The following FANCL variants were observed in gnomAD, a reference collection of about 807,000 sequenced individuals.
The protein encoded by FANCL is E3 ubiquitin-protein ligase FANCL.
Under a neutral mutation model 59.4 loss-of-function variants are expected in FANCL, and 69 were observed. The ratio of observed to expected loss-of-function variants is 1.16; its 90% CI spans 0.96 to 1.42. The LOEUF is 1.42. Ranked by LOEUF, FANCL falls within the 40% of genes most tolerant of loss-of-function variation. FANCL has a pLI of 0.00. For missense variants in FANCL, 519 were observed against 447.2 expected (o/e 1.16, Z -1.45); for synonymous variants, 180 against 147.1 (o/e 1.22, Z -1.62).
intron 6 of FANCL, among the ~76,000 whole-genome samples, chr2:58,202,704 C>A (rs62140043): frequency 0.052 from 7,924 of 151,708 alleles, 305 homozygotes; most frequent in African/African-American, 0.098. Flanking sequence ...TAGAAAAAAG[C>A]AGACAAAATG....
At chr2:58,226,547 T>C (rs1251298290) in intron 4 of FANCL, among the ~76,000 whole-genome samples, 181 bp downstream of exon 4, 1 of 152,140 alleles carries the variant, frequency 6.6e-6, no homozygotes, top group Non-Finnish European at 1.5e-5. Flanking sequence ...TTCGAACAGT[T>C]ATGTCCCTCA....
chr2:58,201,715 A>C (rs1690041577), intron 6 of FANCL, among the ~76,000 whole-genome samples: 1 of 151,994 alleles, frequency 6.6e-6, no homozygotes, highest in African/African-American at 2.4e-5. Context: ...AAACCAAAAA[A>C]TTTATCTGGT....
intron 3 of FANCL, among the ~76,000 whole-genome samples, chr2:58,229,489 G>C (rs1433451118): frequency 6.6e-6 from 1 of 152,098 alleles, no homozygotes; most frequent in Non-Finnish European, 1.5e-5. Context: ...ATATCCCACA[G>C]CTCTAAATGG....
At chr2:58,224,768 G>A (rs1452075927) in intron 4 of FANCL, among the ~76,000 whole-genome samples, 2 of 151,858 alleles carry the variant, frequency 1.3e-5, no homozygotes, top group Non-Finnish European at 3.0e-5. Context: ...ATACTACAAT[G>A]ATGTTAACAT....
chr2:58,226,708 G>GAAAA lies in FANCL; in HGVS notation c.273+16_273+19dup. On this transcript the variant is annotated intron_variant, in intron 4 of 13. Transcript: ENST00000233741. ...GACTTGCAGTATGGTAACAGTGTCA[G>GAAAA]AAAAAAAAAAAATTCTTACCAAAAG... 2 of 1,370,406 alleles carry GAAAA rather than the reference G, an allele frequency of 1.5e-6. No homozygotes were observed. The highest frequency in any genetic ancestry group is 2.0e-6 in the Non-Finnish European group (2 of 994,222). The allele number at this position is 1,370,406 out of a possible 1,614,324, so 84.9% of individuals were successfully genotyped here.
chr2:58,216,971 A>T (rs554317625), intron 5 of FANCL, among the ~76,000 whole-genome samples: 64 of 151,180 alleles, frequency 4.2e-4, no homozygotes, highest in Middle Eastern at 3.4e-3. Context: ...AAATATTTTT[A>T]AAAAATTATT....
intron 8 of FANCL, 38 bp from the exon 9 acceptor site, chr2:58,163,555 C>T: frequency 7.8e-7 from 1 of 1,277,938 alleles, no homozygotes; most frequent in Non-Finnish European, 1.1e-6. Context: ...AGAAGTAGAA[C>T]AGCTCATCAA....
At chr2:58,237,498 CTAGAA>C (rs1694128407) in intron 1 of FANCL, among the ~76,000 whole-genome samples, 1 of 151,828 alleles carries the variant, frequency 6.6e-6, no homozygotes, top group African/African-American at 2.4e-5. Context: ...AATATCTGTA[CTAGAA>C]TAGAAGAAAG....
intron 7 of FANCL, among the ~76,000 whole-genome samples, chr2:58,180,779 C>T (rs2104957003): frequency 6.6e-6 from 1 of 151,978 alleles, no homozygotes; most frequent in South Asian, 2.1e-4. Flanking sequence ...CACATCTCAC[C>T]AGAGCTACTG....
At chr2:58,219,912 T>A (rs1692302119) in intron 5 of FANCL, among the ~76,000 whole-genome samples, 1 of 152,112 alleles carries the variant, frequency 6.6e-6, no homozygotes, top group African/African-American at 2.4e-5. Flanking sequence ...ATGGAAGACA[T>A]CCAAACATAA....
At chr2:58,231,586 T>G (rs1409181683) in intron 2 of FANCL, among the ~76,000 whole-genome samples, 4 of 152,170 alleles carry the variant, frequency 2.6e-5, no homozygotes, top group Non-Finnish European at 4.4e-5. Flanking sequence ...AGAATTGAGA[T>G]TTGGGGTGGT....
chr2:58,174,393 G>C (rs1016439033), intron 7 of FANCL, among the ~76,000 whole-genome samples: 6 of 152,078 alleles, frequency 3.9e-5, no homozygotes, highest in East Asian at 1.9e-4. Flanking sequence ...TGGAAATAAA[G>C]CTCTCCTCAG....
At chr2:58,165,597 T>C in intron 8 of FANCL, 127 bp downstream of exon 8, 1 of 1,206,086 alleles carries the variant, frequency 8.3e-7, no homozygotes, top group Non-Finnish European at 1.2e-6. Context: ...AAAAAAAGTT[T>C]ATACTAGAAA....
chr2:58,213,380 C>T (rs1691373807), intron 5 of FANCL: 1 of 152,066 alleles, frequency 6.6e-6, no homozygotes, highest in African/African-American at 2.4e-5. Context: ...TGTACCAGAC[C>T]TAATTTAAGA....
intron 5 of FANCL, among the ~76,000 whole-genome samples, chr2:58,220,337 T>C (rs753212374): frequency 9.2e-5 from 14 of 152,296 alleles, no homozygotes; most frequent in Admixed American, 3.9e-4. Context: ...TCTCTGCACA[T>C]AGGTGCACCA....
At chr2:58,195,329 T>C (rs1285436952) in intron 7 of FANCL, among the ~76,000 whole-genome samples, 5 of 152,156 alleles carry the variant, frequency 3.3e-5, no homozygotes, top group African/African-American at 1.2e-4. Context: ...GTAAATGATA[T>C]ATTTTTTAAA....
chr2:58,191,658 A>G (rs1205651284), intron 7 of FANCL, among the ~76,000 whole-genome samples: 1 of 151,898 alleles, frequency 6.6e-6, no homozygotes, highest in Non-Finnish European at 1.5e-5. Flanking sequence ...TAACATATAC[A>G]TAATTCAATA....
intron 1 of FANCL, among the ~76,000 whole-genome samples, chr2:58,240,581 G>A (rs1341927305): frequency 2.0e-5 from 3 of 152,178 alleles, no homozygotes; most frequent in East Asian, 1.9e-4. Flanking sequence ...AGGATTAAGT[G>A]AACTATTTAC....
intron 5 of FANCL, among the ~76,000 whole-genome samples, chr2:58,218,155 G>A (rs934238543): frequency 7.3e-5 from 11 of 151,682 alleles, no homozygotes; most frequent in South Asian, 6.2e-4. Context: ...CAAAACTTAC[G>A]GGATCAAGCT....
Sources: allele counts gnomAD v4.1 joint callset (sites outside exome capture counted in the v4.1 genomes callset), GRCh38; gene constraint gnomAD v4.1.1; transcripts MANE v1.5; gene names NCBI Gene and HGNC (gene_info 2026-07-23, HGNC 2026-07-21).